Variants in FMN2 observed in about 807,000 individuals in gnomAD.
FMN2 encodes formin-2.
In FMN2, 51 loss-of-function variants were observed where a neutral mutation model predicts 142.3. The ratio of observed to expected loss-of-function variants is 0.36; its 90% CI spans 0.29 to 0.45. The LOEUF (loss-of-function observed/expected upper bound fraction) is 0.45. FMN2 is among the 20% of genes least tolerant of loss of function. FMN2 has a pLI of 1.00. For synonymous variants in FMN2, 882 were observed against 869.8 expected (o/e 1.01, Z -0.25); for missense variants, 1,936 against 2,122.8 (o/e 0.91, Z 1.73).
At chr1:240,166,845 G>C (rs750799565) in intron 2 of FMN2, among the ~76,000 whole-genome samples, 1 of 152,192 alleles carries the variant, frequency 6.6e-6, no homozygotes. Context: ...GGGTTGACTG[G>C]GCGCAGCGGC....
intron 16 of FMN2, among the ~76,000 whole-genome samples, chr1:240,471,184 A>G (rs995766130): frequency 6.6e-6 from 1 of 152,210 alleles, no homozygotes; most frequent in African/African-American, 2.4e-5. Flanking sequence ...TACTAGAAAC[A>G]TTAAAATGTT....
intron 8 of FMN2, among the ~76,000 whole-genome samples, chr1:240,324,819 G>A (rs1244340133): frequency 2.0e-5 from 3 of 152,014 alleles, no homozygotes; most frequent in Non-Finnish European, 4.4e-5. Context: ...AAACAAAACT[G>A]TAGCTGTACT....
chr1:240,338,213 G>A (rs1421074673), intron 13 of FMN2, among the ~76,000 whole-genome samples: 4 of 152,104 alleles, frequency 2.6e-5, no homozygotes, highest in Admixed American at 2.6e-4. Flanking sequence ...TTGAAAACAA[G>A]TTTAAAATTC....
At chr1:240,435,904 G>C (rs1177034300) in intron 15 of FMN2, among the ~76,000 whole-genome samples, 1 of 152,180 alleles carries the variant, frequency 6.6e-6, no homozygotes, top group Admixed American at 6.5e-5. Flanking sequence ...GAAGTTCAAA[G>C]ACCAGAGCAA....
chr1:240,282,320 A>G (rs991735076), intron 7 of FMN2, among the ~76,000 whole-genome samples: 21 of 152,334 alleles, frequency 1.4e-4, no homozygotes, highest in Admixed American at 2.6e-4. Flanking sequence ...TCTAAGTCTC[A>G]TGTAATTCTG....
intron 2 of FMN2, among the ~76,000 whole-genome samples, chr1:240,130,952 C>A (rs1302127207): frequency 6.6e-6 from 1 of 152,096 alleles, no homozygotes; most frequent in Non-Finnish European, 1.5e-5. Flanking sequence ...TTATTAGGAA[C>A]ACAAAGATGA....
Position 240,257,947 on chromosome 1 carries a change from T to C in FMN2, c.4068T>C (p.Val1356=), listed in dbSNP as rs141335669. 157 of 1,612,830 alleles carry C rather than the reference T, an allele frequency of 9.7e-5. No individual in the cohort carries two copies. The African/African-American group carries it at 2.0e-3, about 20-fold the overall frequency. ...CTTTTACTTTCTTTCTCGAGCAGGT[T>C]GTCAAGTTATTAAGCAACAAAAGAT... ...DTISKTKAKQ[V]VKLLSNKRSQ... is the part of the protein sequence containing the mutation. Residue 1356 remains valine, a splice_region_variant and synonymous_variant, in exon 7 of 18, where the codon GTT becomes GTC. Transcript: ENST00000319653.
chr1:240,112,189 T>A (rs1661837655), intron 1 of FMN2, among the ~76,000 whole-genome samples: 2 of 150,564 alleles, frequency 1.3e-5, no homozygotes, highest in Admixed American at 6.7e-5. Context: ...TAGAGTGCAG[T>A]GGTGTGATCT....
chr1:240,318,577 T>C (rs1323031452), intron 8 of FMN2, among the ~76,000 whole-genome samples: 1 of 152,168 alleles, frequency 6.6e-6, no homozygotes, highest in Non-Finnish European at 1.5e-5. Flanking sequence ...CACCCTTCAT[T>C]GCTTCCCTAT....
intron 7 of FMN2, among the ~76,000 whole-genome samples, chr1:240,278,083 T>C (rs1240841063): frequency 6.6e-6 from 1 of 152,206 alleles, no homozygotes. Flanking sequence ...AGTGGTCCAA[T>C]GAACCCCGAT....
chr1:240,404,550 A>C (rs1229236697), intron 15 of FMN2, among the ~76,000 whole-genome samples: 5 of 152,212 alleles, frequency 3.3e-5, no homozygotes, highest in African/African-American at 7.2e-5. Flanking sequence ...TGGATTTCTT[A>C]GTTAACTACT....
At chr1:240,334,536 G>T (rs936142393) in intron 13 of FMN2, among the ~76,000 whole-genome samples, 7 of 152,134 alleles carry the variant, frequency 4.6e-5, no homozygotes, top group Non-Finnish European at 1.0e-4. Flanking sequence ...GTCATGTCAT[G>T]GTTGGATACA....
intron 2 of FMN2, among the ~76,000 whole-genome samples, chr1:240,162,715 G>A (rs1199068120): frequency 6.6e-6 from 1 of 151,886 alleles, no homozygotes; most frequent in East Asian, 1.9e-4. Flanking sequence ...AATATTATTA[G>A]CTTTTCCAGA....
intron 2 of FMN2, among the ~76,000 whole-genome samples, chr1:240,139,727 G>A (rs1663099551): frequency 6.6e-6 from 1 of 152,202 alleles, no homozygotes; most frequent in Non-Finnish European, 1.5e-5. Flanking sequence ...AGCAGGCTGA[G>A]GTTTGGAGAC....
intron 4 of FMN2, among the ~76,000 whole-genome samples, chr1:240,192,445 T>C (rs532242443): frequency 4.5e-4 from 68 of 152,292 alleles, no homozygotes; most frequent in African/African-American, 1.5e-3. Flanking sequence ...AAAGAAACAT[T>C]GTTGAGTATG....
chr1:240,194,311 C>A (rs1429175331), intron 4 of FMN2, among the ~76,000 whole-genome samples: 1 of 151,984 alleles, frequency 6.6e-6, no homozygotes, highest in Admixed American at 6.6e-5. Flanking sequence ...GGCACAAATC[C>A]CAGTTATTCC....
At chr1:240,424,198 GA>G (rs1674861895) in intron 15 of FMN2, among the ~76,000 whole-genome samples, 1 of 152,200 alleles carries the variant, frequency 6.6e-6, no homozygotes, top group Admixed American at 6.5e-5. Flanking sequence ...AGAGTCATAT[GA>G]AAGAGTCAAA....
chr1:240,430,245 C>T (rs568834497), intron 15 of FMN2, among the ~76,000 whole-genome samples: 8 of 151,954 alleles, frequency 5.3e-5, no homozygotes, highest in South Asian at 2.1e-4. Context: ...AATTAATAGG[C>T]GAGGGTAGGT....
intron 16 of FMN2, among the ~76,000 whole-genome samples, chr1:240,467,081 T>C (rs191312021): frequency 1.4e-4 from 21 of 152,222 alleles, no homozygotes; most frequent in Admixed American, 6.5e-4. Flanking sequence ...CAGCCTATCA[T>C]CCTAAGAAGA....
Sources: gnomAD v4.1 joint callset for allele counts (sites outside exome capture counted in the v4.1 genomes callset) on GRCh38, gnomAD v4.1.1 for gene constraint, MANE v1.5 for transcripts, NCBI Gene and HGNC (gene_info 2026-07-23, HGNC 2026-07-21) for gene names.